Variants in AP3S1 observed in about 807,000 individuals in gnomAD.
The protein encoded by AP3S1 is adaptor related protein complex 3 subunit sigma 1.
In AP3S1, 12 loss-of-function variants were observed where a neutral mutation model predicts 21.3. The observed-to-expected ratio is 0.56, with a 90% CI of 0.36 to 0.91. The LOEUF is 0.91. Among genes scored for constraint, AP3S1 ranks in the 40% least tolerant of loss-of-function variants. The probability of loss-of-function intolerance (pLI) is 0.01; values close to 1 mark genes in which losing one functional copy is unlikely to be tolerated. For synonymous variants in AP3S1, 48 were observed against 78.4 expected (o/e 0.61, Z 2.05); for missense variants, 116 against 225.0 (o/e 0.52, Z 3.10).
intron 5 of AP3S1, among the ~76,000 whole-genome samples, chr5:115,908,746 C>T (rs1751861460): frequency 6.6e-6 from 1 of 152,074 alleles, no homozygotes; most frequent in Non-Finnish European, 1.5e-5. Flanking sequence ...ATGAGCTTAT[C>T]TAAATGTTTA....
chr5:115,889,668 C>A (rs560881565), intron 3 of AP3S1, among the ~76,000 whole-genome samples: 2 of 152,172 alleles, frequency 1.3e-5, no homozygotes, highest in African/African-American at 4.8e-5. Flanking sequence ...AAGACTGTAG[C>A]TAGACTATAT....
intron 4 of AP3S1, among the ~76,000 whole-genome samples, chr5:115,898,002 A>G (rs1750903018): frequency 6.6e-6 from 1 of 152,200 alleles, no homozygotes; most frequent in Non-Finnish European, 1.5e-5. Context: ...GAGCTAATTT[A>G]TGCTGCAGTA....
chr5:115,886,585 C>T lies in AP3S1; in HGVS notation c.274-8502C>T, dbSNP rs138965175. On this transcript the variant is annotated intron_variant, in intron 3 of 5. Coordinates refer to ENST00000316788, the MANE Select transcript of AP3S1 (RefSeq NM_001284.4). ...CATATAACAAAAAATGTGTACTAGT[C>T]GACTGTTTATGTTATCGGTAAGGCT... Among the ~76,000 whole-genome samples, 78 of 152,096 alleles carry T rather than the reference C, an allele frequency of 5.1e-4. No individual in the cohort carries two copies. In the East Asian group the frequency reaches 0.012, roughly 24 times the overall value.
At position 115,879,605 on chromosome 5, in the gene AP3S1, T is replaced by G. The variant is rs1749086325; in HGVS notation, c.273+9477T>G. On this transcript the variant is annotated intron_variant, in intron 3 of 5. Coordinates refer to ENST00000316788, the MANE Select transcript of AP3S1 (RefSeq NM_001284.4). ...TGCTGCTAGATTCGGTTTGCCAGGATTTTATTGAGGATTTTCGCATCAATG... is the reference window on the plus strand; with the variant it reads ...TGCTGCTAGATTCGGTTTGCCAGGAGTTTATTGAGGATTTTCGCATCAATG... Among the ~76,000 whole-genome samples, 2 of 152,168 alleles carry G rather than the reference T, an allele frequency of 1.3e-5. 1 individual carries two copies. The highest frequency in any genetic ancestry group is 4.1e-4 in the South Asian group (2 of 4,832).
At chr5:115,876,552 T>C (rs1748732176) in intron 3 of AP3S1, among the ~76,000 whole-genome samples, 3 of 152,168 alleles carry the variant, frequency 2.0e-5, no homozygotes, top group South Asian at 2.1e-4. Context: ...GAAATTAACA[T>C]TGATACACTA....
At position 115,857,178 on chromosome 5, in the gene AP3S1, T is replaced by G. The variant is rs10069822; in HGVS notation, c.70-9492T>G. 2.0e-3 allele frequency among the ~76,000 whole-genome samples: 302 copies of G among 152,326 alleles called. 1 individual carries two copies. Among genetic ancestry groups the G allele is most frequent in the African/African-American group, 7.1e-3 (297 of 41,570 alleles). Reference sequence around the variant, plus strand: ...ATATAATACAGAAAGATAACATTCCTTAAAAGAAAACTTCCTATGAGATTT... The same window carrying G: ...ATATAATACAGAAAGATAACATTCCGTAAAAGAAAACTTCCTATGAGATTT... On this transcript the variant is annotated intron_variant, in intron 1 of 5. Transcript: ENST00000316788.
At chr5:115,851,993 AAG>A (rs1561473156) in intron 1 of AP3S1, among the ~76,000 whole-genome samples, 5 of 152,134 alleles carry the variant, frequency 3.3e-5, no homozygotes. Context: ...GAGATTAAAT[AAG>A]AGAATGGTTG....
intron 2 of AP3S1, among the ~76,000 whole-genome samples, chr5:115,869,278 T>G (rs1748006275): frequency 6.6e-6 from 1 of 152,208 alleles, no homozygotes; most frequent in Non-Finnish European, 1.5e-5. Context: ...AATGTAATTT[T>G]GGAAGAGATC....
chr5:115,862,333 T>C (rs1763259640), intron 1 of AP3S1, among the ~76,000 whole-genome samples: 2 of 152,142 alleles, frequency 1.3e-5, no homozygotes, highest in African/African-American at 4.8e-5. Context: ...AAAAAAAAAT[T>C]AAAAACTTTG....
intron 3 of AP3S1, among the ~76,000 whole-genome samples, chr5:115,870,640 C>G (rs1748148593): frequency 6.6e-6 from 1 of 152,202 alleles, no homozygotes; most frequent in Non-Finnish European, 1.5e-5. Flanking sequence ...GAGGTGTAAT[C>G]TTAGCTTCTC....
chr5:115,875,659 T>C (rs1157411432), intron 3 of AP3S1, among the ~76,000 whole-genome samples: 1 of 152,210 alleles, frequency 6.6e-6, no homozygotes, highest in Non-Finnish European at 1.5e-5. Context: ...GAGGGATTCC[T>C]GGCCTAGCGA....
chr5:115,867,272 A>G (rs1215693278), intron 2 of AP3S1, among the ~76,000 whole-genome samples: 1 of 152,124 alleles, frequency 6.6e-6, no homozygotes, highest in Non-Finnish European at 1.5e-5. Context: ...TAATGACTAC[A>G]GAGTATTCCT....
chr5:115,865,578 C>T (rs1471531715), intron 1 of AP3S1, among the ~76,000 whole-genome samples: 1 of 152,152 alleles, frequency 6.6e-6, no homozygotes, highest in Non-Finnish European at 1.5e-5. Flanking sequence ...ATGAGAGTTT[C>T]TTTGGCTCTA....
At chr5:115,907,621 CCAAA>C (rs1751760553) in intron 5 of AP3S1, among the ~76,000 whole-genome samples, 2 of 152,024 alleles carry the variant, frequency 1.3e-5, no homozygotes, top group African/African-American at 4.8e-5. Flanking sequence ...CTTCTGACAT[CCAAA>C]CATGTCATAA....
chr5:115,865,954 A>T (rs1177443780), intron 1 of AP3S1, among the ~76,000 whole-genome samples: 1 of 152,144 alleles, frequency 6.6e-6, no homozygotes, highest in African/African-American at 2.4e-5. Flanking sequence ...ACGTGCCACC[A>T]CACCCAGCTA....
At chr5:115,876,717 A>G (rs1195103996) in intron 3 of AP3S1, among the ~76,000 whole-genome samples, 2 of 152,036 alleles carry the variant, frequency 1.3e-5, no homozygotes, top group Admixed American at 6.6e-5. Flanking sequence ...TCTTTCATTC[A>G]TGTCTTTCAT....
intron 1 of AP3S1, among the ~76,000 whole-genome samples, chr5:115,845,516 A>C (rs1400348854): frequency 6.6e-6 from 1 of 152,152 alleles, no homozygotes; most frequent in East Asian, 1.9e-4. Context: ...GTTTTGGTTC[A>C]TTCTGCTAGA....
intron 1 of AP3S1, among the ~76,000 whole-genome samples, chr5:115,843,941 T>G (rs550741188): frequency 3.9e-5 from 6 of 152,274 alleles, no homozygotes; most frequent in Admixed American, 3.3e-4. Flanking sequence ...TCTGGTGGCA[T>G]TTTTGGCCAT....
chr5:115,872,855 T>C (rs1748388347), intron 3 of AP3S1, among the ~76,000 whole-genome samples: 2 of 152,182 alleles, frequency 1.3e-5, no homozygotes, highest in Non-Finnish European at 2.9e-5. Flanking sequence ...CAAGAGAGCA[T>C]TATATTTTTA....
Sources: allele counts gnomAD v4.1 joint callset (sites outside exome capture counted in the v4.1 genomes callset), GRCh38; gene constraint gnomAD v4.1.1; transcripts MANE v1.5; gene names NCBI Gene and HGNC (gene_info 2026-07-23, HGNC 2026-07-21).